Variants in ASH1L observed in about 807,000 individuals in gnomAD.
ASH1L encodes the protein ASH1 like histone lysine methyltransferase.
In ASH1L, 23 loss-of-function variants were observed where a neutral mutation model predicts 269.0. The ratio of observed to expected loss-of-function variants is 0.09; its 90% CI spans 0.06 to 0.12. ASH1L has a LOEUF of 0.12. ASH1L is among the 10% of genes least tolerant of loss of function. The probability of loss-of-function intolerance (pLI) is 1.00; values close to 1 mark genes in which losing one functional copy is unlikely to be tolerated. For missense variants in ASH1L, 2,912 were observed against 3,567.8 expected, an observed-to-expected ratio of 0.82 and a Z score of 4.68; for synonymous variants, 1,187 against 1,253.5, an observed-to-expected ratio of 0.95 and a Z score of 1.12.
At chr1:155,510,051 G>A (rs1668066674) in intron 2 of ASH1L, among the ~76,000 whole-genome samples, 1 of 152,008 alleles carries the variant, frequency 6.6e-6, no homozygotes, top group Non-Finnish European at 1.5e-5. Context: ...ATTACATCAG[G>A]TAAAAAGCTA....
intron 25 of ASH1L, among the ~76,000 whole-genome samples, chr1:155,340,224 G>C (rs1652666214): frequency 6.6e-6 from 1 of 151,954 alleles, no homozygotes; most frequent in Admixed American, 6.6e-5. Context: ...TTGTCCTGTT[G>C]CCAGGCTGGA....
chr1:155,354,214 G>C (rs570245710), intron 16 of ASH1L, among the ~76,000 whole-genome samples: 2 of 152,358 alleles, frequency 1.3e-5, no homozygotes, highest in East Asian at 3.9e-4. Context: ...GAATCACCTT[G>C]ATTCCAAGGC....
intron 1 of ASH1L, among the ~76,000 whole-genome samples, chr1:155,543,638 T>C (rs1670594768): frequency 6.6e-6 from 1 of 150,954 alleles, no homozygotes; most frequent in African/African-American, 2.4e-5. Context: ...CTTTGCATCA[T>C]AAACAAAAAT....
chr1:155,553,201 A>G lies in ASH1L; in HGVS notation c.-100+8952T>C, dbSNP rs1336494776. Reference sequence around the variant, plus strand: ...GCTGAGAGATTCATTCATTATTAAGACAACTAATTATACATTTTTAGATCT... The same window carrying G: ...GCTGAGAGATTCATTCATTATTAAGGCAACTAATTATACATTTTTAGATCT... On this transcript the variant is annotated intron_variant, in intron 1 of 27. Transcript: ENST00000392403. Among the ~76,000 whole-genome samples the G allele has an allele frequency of 2.6e-5, 4 of 152,200 alleles. No homozygotes were observed. In the East Asian group the frequency reaches 7.7e-4, roughly 29 times the overall value.
At chr1:155,421,695 G>A (rs564636870) in intron 5 of ASH1L, among the ~76,000 whole-genome samples, 1 of 151,554 alleles carries the variant, frequency 6.6e-6, no homozygotes, top group South Asian at 2.1e-4. Flanking sequence ...AAAAAAAATT[G>A]GAGGATTTAT....
chr1:155,533,211 G>A (rs992308083), intron 1 of ASH1L, among the ~76,000 whole-genome samples: 3 of 151,976 alleles, frequency 2.0e-5, no homozygotes, highest in Non-Finnish European at 4.4e-5. Context: ...ATCAGTAAAA[G>A]TAATAAAATA....
At chr1:155,351,469 T>G (rs1479612422) in intron 17 of ASH1L, among the ~76,000 whole-genome samples, 2 of 151,220 alleles carry the variant, frequency 1.3e-5, no homozygotes, top group African/African-American at 4.9e-5. Flanking sequence ...GGGAGAATCA[T>G]CTGAACCCTT....
chr1:155,466,387 C>T (rs1323458690), intron 3 of ASH1L, among the ~76,000 whole-genome samples: 1 of 151,824 alleles, frequency 6.6e-6, no homozygotes, highest in African/African-American at 2.4e-5. Context: ...AAAACAAAAA[C>T]TCTGTTTTTT....
At chr1:155,365,214 T>G (rs888767280) in intron 12 of ASH1L, among the ~76,000 whole-genome samples, 24 of 149,528 alleles carry the variant, frequency 1.6e-4, no homozygotes, top group African/African-American at 5.7e-4. Flanking sequence ...GACAGCTTTG[T>G]TTTTTTTTGA....
At chr1:155,562,904 C>G (rs760647154), upstream of ASH1L, 46 of 454,704 alleles carry the variant, frequency 1.0e-4, no homozygotes, top group Middle Eastern at 1.3e-3. Flanking sequence ...GCCAGCCCCC[C>G]CTACCACCCT....
At chr1:155,543,561 TTGATA>T (rs1356272553) in intron 1 of ASH1L, among the ~76,000 whole-genome samples, 2 of 151,732 alleles carry the variant, frequency 1.3e-5, no homozygotes, top group African/African-American at 2.4e-5. Flanking sequence ...GATGATTTAT[TTGATA>T]TATGTGGCTA....
chr1:155,343,678 G>A lies in ASH1L; in HGVS notation c.8046C>T (p.Ser2682=), dbSNP rs1387908773. The A allele has an allele frequency of 6.2e-7, 1 of 1,614,182 alleles. No individual in the cohort carries two copies. Among genetic ancestry groups the A allele is most frequent in the African/African-American group, 1.3e-5 (1 of 75,038 alleles). The change falls in exon 23 of 28, where the codon TCC becomes TCT. Residue 2682 remains serine, a synonymous_variant. Transcript: ENST00000392403. This position sits in a 1 kb window ranked among gnomAD's most constrained non-coding sequence, Gnocchi z 6.1. ...RTPDGHPVRQ[S]YRLLSHINRD... Reference sequence around the variant, plus strand: ...GGTTAATGTGAGATAACAGTCGATAGGACTGACGGACCGGGTGGCCATCAG... The same window carrying A: ...GGTTAATGTGAGATAACAGTCGATAAGACTGACGGACCGGGTGGCCATCAG...
chr1:155,479,646 T>C lies in ASH1L; in HGVS notation c.3224A>G (p.Gln1075Arg). The change falls in exon 3 of 28, where the codon CAA becomes CGA. Residue 1075 changes from glutamine (Q) to arginine (R), a missense_variant. Transcript: ENST00000392403. ...TGACCCAGCTGCCTGTTGAGCTGTT[T>C]GCTCAAGAACAGCAAGGCTAGTAGG... ...GSPTSLAVLE[Q>R]TAQQAAGSAL... The C allele has an allele frequency of 2.5e-6, 4 of 1,614,214 alleles. No individual in the cohort carries two copies. The highest frequency in any genetic ancestry group is 1.6e-4 in the Middle Eastern group (1 of 6,062).
At chr1:155,508,251 G>A (rs1159332985) in intron 2 of ASH1L, among the ~76,000 whole-genome samples, 1 of 152,138 alleles carries the variant, frequency 6.6e-6, no homozygotes, top group East Asian at 1.9e-4. Flanking sequence ...ACATGTAACT[G>A]CATCAAAGCC....
intron 1 of ASH1L, among the ~76,000 whole-genome samples, chr1:155,530,551 C>A (rs561050695): frequency 1.7e-4 from 25 of 145,742 alleles, no homozygotes; most frequent in African/African-American, 6.1e-4. Context: ...CATGGTGAAA[C>A]CCCGTCTCTA....
chr1:155,562,120 GGCCC>G lies in ASH1L; in HGVS notation c.-100+29_-100+32del, dbSNP rs772705344. On this transcript the variant is annotated intron_variant, in intron 1 of 27. Transcript: ENST00000392403. ...GATTCAATCGCTGAGAGAGTGCTTA[GGCCC>G]GAATGCCGGCCCAAATCGTTCTACT... The G allele has an allele frequency of 4.3e-6, 6 of 1,381,324 alleles. No individual in the cohort carries two copies. In the East Asian group the frequency reaches 1.4e-4, roughly 32 times the overall value. The allele number at this position is 1,381,324 out of a possible 1,614,324, so 85.6% of individuals were successfully genotyped here.
At chr1:155,446,600 C>T (rs1341224724) in intron 4 of ASH1L, among the ~76,000 whole-genome samples, 1 of 147,982 alleles carries the variant, frequency 6.8e-6, no homozygotes, top group Non-Finnish European at 1.5e-5. Context: ...TGCCTGGCTA[C>T]ATTTCAGTTT....
At chr1:155,519,919 A>G (rs1668760571) in intron 2 of ASH1L, among the ~76,000 whole-genome samples, 1 of 152,102 alleles carries the variant, frequency 6.6e-6, no homozygotes, top group Admixed American at 6.6e-5. Context: ...TCAGCATGCC[A>G]AAGTGCTGGG....
intron 6 of ASH1L, among the ~76,000 whole-genome samples, chr1:155,404,795 T>C (rs1243735158): frequency 6.6e-6 from 1 of 152,076 alleles, no homozygotes; most frequent in East Asian, 1.9e-4. Context: ...TTTGGGAGGC[T>C]GAGGCAGGCG....
Sources: allele counts gnomAD v4.1 joint callset (sites outside exome capture counted in the v4.1 genomes callset), GRCh38; gene constraint gnomAD v4.1.1; non-coding constraint Gnocchi (gnomAD v3.1); transcripts MANE v1.5; gene names NCBI Gene and HGNC (gene_info 2026-07-23, HGNC 2026-07-21).